The following POLR2F variants were observed in gnomAD, a reference collection of about 807,000 sequenced individuals.
POLR2F encodes the protein RNA polymerase II, I and III subunit F, also known as DNA-directed RNA polymerases I, II, and III subunit RPABC2.
In POLR2F, 12 loss-of-function variants were observed where a neutral mutation model predicts 22.7. The observed-to-expected ratio is 0.53, with a 90% CI of 0.34 to 0.86. POLR2F has a LOEUF of 0.86. Ranked by LOEUF, POLR2F falls within the 40% of genes least tolerant of loss-of-function variation. The pLI, the probability that POLR2F is intolerant of heterozygous loss-of-function variation, is 0.02. For synonymous variants in POLR2F, 57 were observed against 66.0 expected (o/e 0.86, Z 0.66); for missense variants, 126 against 171.5 (o/e 0.73, Z 1.48).
intron 1 of POLR2F, among the ~76,000 whole-genome samples, chr22:38,004,276 C>T (rs1569178323): frequency 6.6e-6 from 1 of 152,100 alleles, no homozygotes; most frequent in Non-Finnish European, 1.5e-5. Flanking sequence ...AGCCACCACA[C>T]CTGGCCAGGG....
At chr22:38,040,977 A>G (rs1305773726) in intron 5 of POLR2F, 9 of 1,595,492 alleles carry the variant, frequency 5.6e-6, no homozygotes, top group Non-Finnish European at 6.0e-6. Flanking sequence ...GACGTTGATC[A>G]AAGGCTGAAG....
chr22:38,021,995 G>A (rs188847588), intron 1 of POLR2F, among the ~76,000 whole-genome samples: 116 of 150,124 alleles, frequency 7.7e-4, no homozygotes, highest in African/African-American at 2.7e-3. Context: ...GCCAGGCTTG[G>A]TGGTGGACGC....
chr22:38,025,879 G>T (rs779242826), exon 2 of POLR2F: 1 of 901,752 alleles, frequency 1.1e-6, no homozygotes, highest in East Asian at 2.6e-5. Context: ...GGCTGGGACC[G>T]TCTCTTCTCC....
rs2084729922 is a variant in POLR2F at position 37,997,844 on chromosome 22, G to A, written c.120+11532G>A. Among the ~76,000 whole-genome samples, 1 of 152,196 alleles carries A rather than the reference G, an allele frequency of 6.6e-6. No homozygotes were observed. The highest frequency in any genetic ancestry group is 2.4e-5 in the African/African-American group (1 of 41,442). ...GCTCACCGTCTGTCGAGGGGGGACA[G>A]GCAGGAGGTAAGGATGCGTCCGAGC... On this transcript the variant is annotated intron_variant, in intron 1 of 2. Coordinates refer to the POLR2F transcript ENST00000333418. The surrounding 1 kb of genome is among the most constrained non-coding windows in gnomAD (Gnocchi z 4.4).
In POLR2F at chr22:38,016,781, C is replaced by T. The variant is rs1435227038; in HGVS notation, c.121-9088C>T. Among the ~76,000 whole-genome samples, 16 of 151,504 alleles carry T rather than the reference C, an allele frequency of 1.1e-4. No homozygotes were observed. Among genetic ancestry groups the T allele is most frequent in the Admixed American group, 7.2e-4 (11 of 15,250 alleles). ...GCCGTCAATGCCCGCATTGTCCCCG[C>T]GCTTTTTGTTTCTACTGTAATGACA... On this transcript the variant is annotated intron_variant, in intron 1 of 2. Coordinates refer to the POLR2F transcript ENST00000333418. This position sits in a 1 kb window ranked among gnomAD's most constrained non-coding sequence, Gnocchi z 4.4.
Position 37,967,653 on chromosome 22 carries a change from C to T in POLR2F, c.322C>T (p.Arg108Cys), listed in dbSNP as rs200600069. Residue 108 changes from arginine (R) to cysteine (C), a missense_variant, in exon 5 of 5, where the codon CGT (arginine) becomes TGT (cysteine). Coordinates refer to ENST00000442738, the MANE Select transcript of POLR2F (RefSeq NM_021974.5). Reference sequence around the variant, plus strand: ...CCGAAAGATCCCCATCATCATTCGCCGTTACCTGCCAGATGGGAGCTATGA... The same window carrying T: ...CCGAAAGATCCCCATCATCATTCGCTGTTACCTGCCAGATGGGAGCTATGA... ...KARKIPIIIR[R>C]YLPDGSYEDW... 1.9e-6 allele frequency: 3 copies of T among 1,613,914 alleles called. No homozygotes were observed. The highest frequency in any genetic ancestry group is 1.7e-5 in the Admixed American group (1 of 59,982).
intron 1 of POLR2F, chr22:38,025,491 C>T: frequency 1.4e-6 from 2 of 1,414,026 alleles, no homozygotes; most frequent in Non-Finnish European, 1.9e-6. Context: ...AACACACATT[C>T]ACACTCACAG....
intron 1 of POLR2F, among the ~76,000 whole-genome samples, chr22:38,012,668 T>C (rs2084881496): frequency 6.6e-6 from 1 of 152,150 alleles, no homozygotes; most frequent in South Asian, 2.1e-4. Context: ...CTCCCAGGTC[T>C]CCCCCTAACT....
At chr22:38,034,759 G>A (rs748470386) in intron 5 of POLR2F, among the ~76,000 whole-genome samples, 6 of 152,202 alleles carry the variant, frequency 3.9e-5, no homozygotes, top group Non-Finnish European at 7.3e-5. Context: ...TCGGAACAAT[G>A]AGTCAGAAGC....
At chr22:38,003,775 C>T (rs570311183) in intron 1 of POLR2F, among the ~76,000 whole-genome samples, 2 of 152,066 alleles carry the variant, frequency 1.3e-5, no homozygotes, top group Admixed American at 1.3e-4. Flanking sequence ...TAGGGTTTCA[C>T]CATGTTGGCC....
At position 37,986,382 on chromosome 22, in the gene POLR2F, T is replaced by C; in HGVS notation, c.120+70T>C. 8 of 1,529,954 alleles carry C rather than the reference T, an allele frequency of 5.2e-6. No homozygotes were observed. Among genetic ancestry groups the C allele is most frequent in the Non-Finnish European group, 7.0e-6 (8 of 1,144,040 alleles). 94.8% of individuals were successfully genotyped at this position (1,529,954 alleles called of 1,614,324 possible). A position where few individuals can be genotyped will look rare whatever the true frequency, so the allele number is the denominator to read the frequency against. On this transcript the variant is annotated intron_variant, in intron 1 of 2. Coordinates refer to the POLR2F transcript ENST00000333418. The surrounding 1 kb of genome is among the most constrained non-coding windows in gnomAD (Gnocchi z 4.7). ...AGGAAAGGACCTCCCCGCTCTCTGC[T>C]GTGTCTGTGACTGGCCTGAGACCCG...
In POLR2F at chr22:37,986,657, G is replaced by A. The variant is rs1324114829; in HGVS notation, c.120+345G>A. On this transcript the variant is annotated intron_variant, in intron 1 of 2. Coordinates refer to the POLR2F transcript ENST00000333418. This position sits in a 1 kb window ranked among gnomAD's most constrained non-coding sequence, Gnocchi z 4.7. The stretch of plus-strand genomic sequence containing the variant: ...GACACTGCCTTCCTCTCAGGGCTGT[G>A]CTGGGCTTTTTGCTGAGCAGTGTTG... 1 of 600,096 alleles carries A rather than the reference G, an allele frequency of 1.7e-6. No individual in the cohort carries two copies. The highest frequency in any genetic ancestry group is 3.1e-6 in the Non-Finnish European group (1 of 321,200). The allele number at this position is 600,096 out of a possible 1,614,324, so 37.2% of individuals were successfully genotyped here.
chr22:38,006,809 G>C (rs1380546823), intron 1 of POLR2F, among the ~76,000 whole-genome samples: 1 of 152,172 alleles, frequency 6.6e-6, no homozygotes, highest in Admixed American at 6.5e-5. Context: ...TGTCGTCTCC[G>C]AGCTCCAGCT....
chr22:38,027,824 C>G (rs1246718316), downstream of POLR2F, among the ~76,000 whole-genome samples: 1 of 152,174 alleles, frequency 6.6e-6, no homozygotes, highest in Admixed American at 6.5e-5. Flanking sequence ...ACTGGACACC[C>G]CCTCCACACT....
intron 1 of POLR2F, among the ~76,000 whole-genome samples, chr22:38,002,269 A>T (rs535246253): frequency 6.6e-6 from 1 of 152,154 alleles, no homozygotes; most frequent in Non-Finnish European, 1.5e-5. Flanking sequence ...GCTCCAAAGT[A>T]TACAAAAATA....
Position 38,040,692 on chromosome 22 carries a change from C to T in POLR2F, c.453-376C>T, listed in dbSNP as rs189792856. 556 of 296,840 alleles carry T rather than the reference C, an allele frequency of 1.9e-3. 2 individuals carry two copies. Among genetic ancestry groups the T allele is most frequent in the South Asian group, 0.012 (225 of 18,444 alleles). 18.4% of individuals were successfully genotyped at this position (296,840 alleles called of 1,614,324 possible). On this transcript the variant is annotated intron_variant, in intron 5 of 5. Transcript: ENST00000407936. Reference sequence around the variant, plus strand: ...CTTTGAATCAATACACAGATGCCAGCGGTGTATCCAGAGGCAATGGTTAAC... The same window carrying T: ...CTTTGAATCAATACACAGATGCCAGTGGTGTATCCAGAGGCAATGGTTAAC...
chr22:37,974,357 G>GT lies in POLR2F; in HGVS notation c.293+7199dup, dbSNP rs929834035. ...GGCAGCATGAGTCGGGTTTTTTTTT[G>GT]TTTTTTTTTTTTGAGATGGAGTTTC... On this transcript the variant is annotated intron_variant, in intron 4 of 4. Coordinates refer to the POLR2F transcript ENST00000405557. The surrounding 1 kb of genome is among the most constrained non-coding windows in gnomAD (Gnocchi z 5.4). 2.0e-3 allele frequency among the ~76,000 whole-genome samples: 280 copies of GT among 141,706 alleles called. No individual in the cohort carries two copies. Among genetic ancestry groups the GT allele is most frequent in the South Asian group, 3.0e-3 (13 of 4,360 alleles). 93.0% of individuals were successfully genotyped at this position (141,706 alleles called of 152,430 possible). A position where few individuals can be genotyped will look rare whatever the true frequency, so the allele number is the denominator to read the frequency against.
intron 5 of POLR2F, chr22:38,040,995 T>C: frequency 6.2e-7 from 1 of 1,607,162 alleles, no homozygotes; most frequent in Non-Finnish European, 8.5e-7. Context: ...AAGTTCTTCA[T>C]GTATTTCATT....
chr22:38,009,530 A>G (rs764461769), intron 1 of POLR2F, among the ~76,000 whole-genome samples: 9 of 152,186 alleles, frequency 5.9e-5, no homozygotes, highest in Non-Finnish European at 1.3e-4. Context: ...CAGTTGACAT[A>G]CAATAAACTG....
Sources: gnomAD v4.1 joint callset for allele counts (sites outside exome capture counted in the v4.1 genomes callset) on GRCh38, gnomAD v4.1.1 for gene constraint, Gnocchi (gnomAD v3.1) non-coding constraint, MANE v1.5 for transcripts, NCBI Gene and HGNC (gene_info 2026-07-23, HGNC 2026-07-21) for gene names.